The following OSBP2 variants were observed in gnomAD, a reference collection of about 807,000 sequenced individuals.
OSBP2 encodes the protein oxysterol-binding protein 2.
A neutral mutation model predicts 96.0 loss-of-function variants in OSBP2; 66 were observed. The observed-to-expected ratio is 0.69, with a 90% CI of 0.56 to 0.84. The LOEUF is 0.84. OSBP2 is among the 40% of genes least tolerant of loss of function. The pLI is 0.00. For missense variants in OSBP2, 1,038 were observed against 1,222.7 expected, an observed-to-expected ratio of 0.85 and a Z score of 2.25; for synonymous variants, 525 against 520.9, an observed-to-expected ratio of 1.01 and a Z score of -0.11.
chr22:30,739,681 C>G (rs2089909590), intron 1 of OSBP2, among the ~76,000 whole-genome samples: 2 of 151,998 alleles, frequency 1.3e-5, no homozygotes, highest in South Asian at 4.2e-4. Flanking sequence ...TTCACCTTGC[C>G]TGCTGCCTAG....
chr22:30,800,718 A>G (rs2090839386), intron 2 of OSBP2, among the ~76,000 whole-genome samples: 1 of 152,194 alleles, frequency 6.6e-6, no homozygotes, highest in African/African-American at 2.4e-5. Flanking sequence ...GTGTGTGAGA[A>G]TCAGTGGTAT....
At chr22:30,861,057 T>G (rs1402864111) in intron 2 of OSBP2, among the ~76,000 whole-genome samples, 1 of 152,214 alleles carries the variant, frequency 6.6e-6, no homozygotes, top group African/African-American at 2.4e-5. Context: ...TTTGACCATG[T>G]GCCCTGGTTC....
At chr22:30,805,559 A>G (rs1322260551) in intron 2 of OSBP2, among the ~76,000 whole-genome samples, 6 of 152,218 alleles carry the variant, frequency 3.9e-5, no homozygotes, top group African/African-American at 7.2e-5. Flanking sequence ...TTTGCACAGG[A>G]TTGGCATGTG....
At chr22:30,798,941 G>T (rs1432861938) in intron 2 of OSBP2, among the ~76,000 whole-genome samples, 1 of 151,470 alleles carries the variant, frequency 6.6e-6, no homozygotes, top group Non-Finnish European at 1.5e-5. Context: ...TTGAACCCAG[G>T]AGGCGGAGGT....
At chr22:30,774,358 A>G (rs2090399605) in intron 2 of OSBP2, among the ~76,000 whole-genome samples, 1 of 152,172 alleles carries the variant, frequency 6.6e-6, no homozygotes, top group South Asian at 2.1e-4. Flanking sequence ...CCAACAATAA[A>G]GTTGGGCCCT....
rs904436888 is a variant in OSBP2, at chr22:30,745,690, A to G, written c.853+4321A>G. Among the ~76,000 whole-genome samples, 1,191 of 140,502 alleles carry G rather than the reference A, an allele frequency of 8.5e-3. 21 individuals are homozygous for G. The highest frequency in any genetic ancestry group is 0.028 in the African/African-American group (1,049 of 37,486). The allele number at this position is 140,502 out of a possible 152,430, so 92.2% of individuals were successfully genotyped here. A position where few individuals can be genotyped will look rare whatever the true frequency, so the allele number is the denominator to read the frequency against. On this transcript the variant is annotated intron_variant, in intron 2 of 13. Transcript: ENST00000332585. The stretch of plus-strand genomic sequence containing the variant: ...TCAAAAAAAAAAAAAAAAAAAAAAA[A>G]TTAGAGTTAGAGTAAATGAAATAGA...
intron 2 of OSBP2, among the ~76,000 whole-genome samples, chr22:30,789,684 G>A (rs2090645670): frequency 6.6e-6 from 1 of 152,192 alleles, no homozygotes; most frequent in South Asian, 2.1e-4. Context: ...GACCCTAAGA[G>A]GGAAGAAAAT....
intron 3 of OSBP2, among the ~76,000 whole-genome samples, chr22:30,873,727 A>C (rs1175492312): frequency 6.6e-6 from 1 of 152,216 alleles, no homozygotes; most frequent in African/African-American, 2.4e-5. Flanking sequence ...TCCTCGTGAA[A>C]TGCTGTGTGT....
intron 2 of OSBP2, among the ~76,000 whole-genome samples, chr22:30,851,753 G>A (rs1157861819): frequency 6.6e-6 from 1 of 152,070 alleles, no homozygotes; most frequent in East Asian, 1.9e-4. Context: ...AGAGAAAAGA[G>A]TTCAACTTTT....
intron 2 of OSBP2, among the ~76,000 whole-genome samples, chr22:30,849,721 T>C (rs2038941395): frequency 6.6e-6 from 1 of 152,204 alleles, no homozygotes. Context: ...GATCACATGA[T>C]TTTAATTTTG....
At chr22:30,801,529 T>C (rs1028068330) in intron 2 of OSBP2, among the ~76,000 whole-genome samples, 10 of 152,230 alleles carry the variant, frequency 6.6e-5, no homozygotes, top group African/African-American at 2.4e-4. Flanking sequence ...CAGAGTCTTC[T>C]ATGCCTGCTT....
intron 2 of OSBP2, among the ~76,000 whole-genome samples, chr22:30,811,086 A>G (rs1404035532): frequency 1.3e-5 from 2 of 151,900 alleles, no homozygotes; most frequent in Non-Finnish European, 2.9e-5. Context: ...CTCCCTAGAG[A>G]TATACTCACC....
chr22:30,897,963 A>AG (rs1379749072), intron 12 of OSBP2, among the ~76,000 whole-genome samples: 7 of 152,142 alleles, frequency 4.6e-5, no homozygotes, highest in East Asian at 3.9e-4. Context: ...AAAAAAAAAA[A>AG]AAAAAAGATA....
intron 2 of OSBP2, among the ~76,000 whole-genome samples, chr22:30,843,448 C>CA (rs1002170378): frequency 8.4e-6 from 1 of 119,018 alleles, no homozygotes; most frequent in African/African-American, 4.3e-5. Context: ...AATCTTTCCC[C>CA]CCTCCCCCTT....
At chr22:30,804,656 G>A (rs1313156606) in intron 2 of OSBP2, among the ~76,000 whole-genome samples, 1 of 152,174 alleles carries the variant, frequency 6.6e-6, no homozygotes, top group Non-Finnish European at 1.5e-5. Context: ...GGTCGTAAGG[G>A]AAAAGTATAA....
chr22:30,783,938 C>T (rs951709567), intron 2 of OSBP2, among the ~76,000 whole-genome samples: 4 of 152,076 alleles, frequency 2.6e-5, no homozygotes, highest in Non-Finnish European at 2.9e-5. Flanking sequence ...CACTTGGGAC[C>T]GTGTTACTTG....
In OSBP2 at chr22:30,906,523, C is replaced by G. The variant is rs1259281550; in HGVS notation, c.*184C>G. 1 of 692,172 alleles carries G rather than the reference C, an allele frequency of 1.4e-6. No individual in the cohort carries two copies. The highest frequency in any genetic ancestry group is 2.2e-6 in the Non-Finnish European group (1 of 454,846). The allele number at this position is 692,172 out of a possible 1,614,324, so 42.9% of individuals were successfully genotyped here. A position where few individuals can be genotyped will look rare whatever the true frequency, so the allele number is the denominator to read the frequency against. ...CCACCTTGGAAGGAGGAAGGGCTGA[C>G]CTGGGTTCTCTCCAGCCCCCAGGTG... On this transcript the variant is annotated 3_prime_UTR_variant, in exon 14 of 14. Coordinates refer to ENST00000332585, the MANE Select transcript of OSBP2 (RefSeq NM_030758.4).
chr22:30,881,546 A>T lies in OSBP2; in HGVS notation c.1108-5880A>T. Reference sequence around the variant, plus strand: ...GTAGAGTTGTCACACAGCCTCAGAGAAATGAGACCACGTTCAGGCCTGGGC... The same window carrying T: ...GTAGAGTTGTCACACAGCCTCAGAGTAATGAGACCACGTTCAGGCCTGGGC... On this transcript the variant is annotated intron_variant, in intron 3 of 13. Transcript: ENST00000332585. The surrounding 1 kb of genome is among the most constrained non-coding windows in gnomAD (Gnocchi z 4.5). 1.5e-6 allele frequency: 1 copy of T among 655,480 alleles called. No homozygotes were observed. Among genetic ancestry groups the T allele is most frequent in the Non-Finnish European group, 2.2e-6 (1 of 446,364 alleles). The allele number at this position is 655,480 out of a possible 1,614,324, so 40.6% of individuals were successfully genotyped here. A position where few individuals can be genotyped will look rare whatever the true frequency, so the allele number is the denominator to read the frequency against.
At position 30,730,813 on chromosome 22, in the gene OSBP2, T is replaced by TA. The variant is rs1569100839; in HGVS notation, c.645-10348_645-10347insA. On this transcript the variant is annotated intron_variant, in intron 1 of 13. Coordinates refer to ENST00000332585, the MANE Select transcript of OSBP2 (RefSeq NM_030758.4). ...ATATATATATATATATATATAATTT[T>TA]TTTTTTTTTTCCCATGGACATTTTT... Among the ~76,000 whole-genome samples, 462 of 115,700 alleles carry TA rather than the reference T, an allele frequency of 4.0e-3. 30 individuals carry two copies. The highest frequency in any genetic ancestry group is 5.3e-3 in the African/African-American group (161 of 30,534). The allele number at this position is 115,700 out of a possible 152,430, so 75.9% of individuals were successfully genotyped here.
Sources: gnomAD v4.1 joint callset for allele counts (sites outside exome capture counted in the v4.1 genomes callset) on GRCh38, gnomAD v4.1.1 for gene constraint, Gnocchi (gnomAD v3.1) non-coding constraint, MANE v1.5 for transcripts, NCBI Gene and HGNC (gene_info 2026-07-23, HGNC 2026-07-21) for gene names.